GRIN2A: variants seen among roughly 807,000 people sequenced by gnomAD.
GRIN2A encodes the protein glutamate receptor ionotropic, NMDA 2A.
GRIN2A carries 22 observed loss-of-function variants against 113.4 expected under a neutral mutation model. That is an observed-to-expected ratio of 0.19 (90% CI 0.14 to 0.28). The LOEUF (loss-of-function observed/expected upper bound fraction) is 0.28. Ranked by LOEUF, GRIN2A falls within the 10% of genes least tolerant of loss-of-function variation. The probability of loss-of-function intolerance (pLI) is 1.00; values close to 1 mark genes in which losing one functional copy is unlikely to be tolerated. For missense variants in GRIN2A, 1,502 were observed against 1,887.0 expected (o/e 0.80, Z 3.78); for synonymous variants, 827 against 738.4 (o/e 1.12, Z -1.94).
At chr16:10,133,939 A>G (rs1041681382) in intron 2 of GRIN2A, among the ~76,000 whole-genome samples, 12 of 151,982 alleles carry the variant, frequency 7.9e-5, no homozygotes, top group Non-Finnish European at 1.6e-4. Context: ...TCCTAACACT[A>G]TGGGAGGCCA....
intron 4 of GRIN2A, among the ~76,000 whole-genome samples, chr16:9,874,670 C>A (rs1036799866): frequency 1.3e-5 from 2 of 152,174 alleles, no homozygotes; most frequent in Non-Finnish European, 1.5e-5. Context: ...AGAATCTAGA[C>A]TTTGCCATAT....
At chr16:10,099,605 C>T (rs1232715212) in intron 2 of GRIN2A, among the ~76,000 whole-genome samples, 7 of 152,304 alleles carry the variant, frequency 4.6e-5, no homozygotes, top group African/African-American at 1.4e-4. Flanking sequence ...CAGAAGAGAT[C>T]TGCACCTGCT....
At chr16:10,128,632 C>T (rs2048996566) in intron 2 of GRIN2A, among the ~76,000 whole-genome samples, 2 of 152,202 alleles carry the variant, frequency 1.3e-5, no homozygotes, top group African/African-American at 2.4e-5. Flanking sequence ...CTGCTTGCTG[C>T]TCCCCCTCTC....
At chr16:10,093,992 G>A (rs2048236383) in intron 2 of GRIN2A, among the ~76,000 whole-genome samples, 1 of 152,128 alleles carries the variant, frequency 6.6e-6, no homozygotes, top group Non-Finnish European at 1.5e-5. Context: ...GTGAATATAG[G>A]AGCTACAGTG....
chr16:9,951,844 T>C (rs1474968767), intron 2 of GRIN2A, among the ~76,000 whole-genome samples: 1 of 152,166 alleles, frequency 6.6e-6, no homozygotes, highest in African/African-American at 2.4e-5. Context: ...CAGAGCTGGT[T>C]GCAGGCGAGA....
intron 3 of GRIN2A, among the ~76,000 whole-genome samples, chr16:9,894,631 T>C (rs2043765855): frequency 6.6e-6 from 1 of 152,182 alleles, no homozygotes; most frequent in African/African-American, 2.4e-5. Flanking sequence ...AATTCCTCAT[T>C]ATTAGCAGGA....
At chr16:10,153,453 T>C (rs1170560559) in intron 2 of GRIN2A, among the ~76,000 whole-genome samples, 1 of 152,122 alleles carries the variant, frequency 6.6e-6, no homozygotes, top group African/African-American at 2.4e-5. Context: ...GATGAAGTCA[T>C]TTCAAATATG....
rs865965747 is a variant in GRIN2A, at chr16:9,754,996, T to A, written c.*8153A>T. 50 of 203,854 alleles carry A rather than the reference T, an allele frequency of 2.5e-4. No homozygotes were observed. Among genetic ancestry groups the A allele is most frequent in the African/African-American group, 1.0e-3 (44 of 43,686 alleles). 12.6% of individuals were successfully genotyped at this position (203,854 alleles called of 1,614,324 possible). ...CTGTGGTATTGGCTATGAGTTATGT[T>A]AATATCCTATTGAAGGTTCATCTTA... On this transcript the variant is annotated 3_prime_UTR_variant, in exon 13 of 13. Coordinates refer to ENST00000330684, the MANE Select transcript of GRIN2A (RefSeq NM_001134407.3).
intron 2 of GRIN2A, among the ~76,000 whole-genome samples, chr16:10,159,712 T>A (rs1252138710): frequency 6.6e-6 from 1 of 152,166 alleles, no homozygotes; most frequent in African/African-American, 2.4e-5. Context: ...TTTAGATAGA[T>A]AATATATATT....
chr16:10,121,332 T>C (rs1210492218), intron 2 of GRIN2A: 2 of 152,206 alleles, frequency 1.3e-5, no homozygotes, highest in African/African-American at 4.8e-5. Flanking sequence ...ACCTACCTTG[T>C]TTGGGGACAC....
chr16:9,869,236 C>T lies in GRIN2A; in HGVS notation c.1123-19275G>A, dbSNP rs369738745. Among the ~76,000 whole-genome samples, 82 of 152,274 alleles carry T rather than the reference C, an allele frequency of 5.4e-4. 1 individual carries two copies. In the South Asian group the frequency reaches 0.016, roughly 30 times the overall value. On this transcript the variant is annotated intron_variant, in intron 4 of 12. Transcript: ENST00000330684. ...TCACTTGAGGCCAGGAGTTTGAGAC[C>T]AGCCCGGGCAACATGGCAAAACTCT...
chr16:10,181,514 G>A (rs2050272061), intron 1 of GRIN2A: 1 of 152,364 alleles, frequency 6.6e-6, no homozygotes, highest in Non-Finnish European at 1.5e-5. Context: ...CGGTGCCCAC[G>A]GCCAGCCGGA....
At chr16:10,119,471 G>A (rs1334760912) in intron 2 of GRIN2A, among the ~76,000 whole-genome samples, 2 of 151,662 alleles carry the variant, frequency 1.3e-5, no homozygotes, top group African/African-American at 2.4e-5. Flanking sequence ...AGCCTCCACA[G>A]CCCTTCATAA....
chr16:10,154,762 G>A (rs1267779037), intron 2 of GRIN2A, among the ~76,000 whole-genome samples: 1 of 152,206 alleles, frequency 6.6e-6, no homozygotes, highest in Non-Finnish European at 1.5e-5. Flanking sequence ...CTTCTGAGAT[G>A]AGTTTTGAAG....
chr16:9,858,623 T>A (rs907171868), intron 4 of GRIN2A, among the ~76,000 whole-genome samples: 7 of 152,220 alleles, frequency 4.6e-5, no homozygotes, highest in Non-Finnish European at 1.0e-4. Context: ...AACTTTGTAA[T>A]GATGTTTAAT....
intron 4 of GRIN2A, among the ~76,000 whole-genome samples, chr16:9,874,604 C>G (rs565550108): frequency 1.7e-4 from 26 of 152,300 alleles, no homozygotes; most frequent in Admixed American, 7.2e-4. Context: ...CCACCCATCT[C>G]TACCATAAGG....
intron 2 of GRIN2A, among the ~76,000 whole-genome samples, chr16:9,980,186 T>A (rs984542398): frequency 6.6e-6 from 1 of 151,638 alleles, no homozygotes; most frequent in Non-Finnish European, 1.5e-5. Context: ...GGCACGAGAA[T>A]TGCTTGAACC....
chr16:9,795,658 T>TGATAA (rs1567303197), intron 11 of GRIN2A, among the ~76,000 whole-genome samples: 2 of 152,224 alleles, frequency 1.3e-5, no homozygotes, highest in African/African-American at 2.4e-5. Flanking sequence ...ACAGGGTCTA[T>TGATAA]GCTAAGCTAA....
chr16:9,779,186 T>G (rs1901793537), intron 11 of GRIN2A, among the ~76,000 whole-genome samples: 1 of 152,212 alleles, frequency 6.6e-6, no homozygotes. Flanking sequence ...GTCTCCCAGG[T>G]TGGGGAGATG....
Sources: gnomAD v4.1 joint callset for allele counts (sites outside exome capture counted in the v4.1 genomes callset) on GRCh38, gnomAD v4.1.1 for gene constraint, MANE v1.5 for transcripts, NCBI Gene and HGNC (gene_info 2026-07-23, HGNC 2026-07-21) for gene names.